The following TMPRSS15 variants were observed in gnomAD, a reference collection of about 807,000 sequenced individuals.
TMPRSS15 encodes transmembrane serine protease 15.
In TMPRSS15, 128 loss-of-function variants were observed where a neutral mutation model predicts 125.3. That is an observed-to-expected ratio of 1.02 (90% CI 0.89 to 1.18). The LOEUF (loss-of-function observed/expected upper bound fraction) is 1.18. Among genes scored for constraint, TMPRSS15 ranks in the 50% most tolerant of loss-of-function variants. The pLI, the probability that TMPRSS15 is intolerant of heterozygous loss-of-function variation, is 0.00. For missense variants in TMPRSS15, 1,283 were observed against 1,212.7 expected (o/e 1.06, Z -0.86); for synonymous variants, 446 against 423.2 (o/e 1.05, Z -0.66).
At chr21:18,405,286 C>T (rs2076142557), upstream of TMPRSS15, among the ~76,000 whole-genome samples, 1 of 152,116 alleles carries the variant, frequency 6.6e-6, no homozygotes, top group Non-Finnish European at 1.5e-5. Flanking sequence ...AAAACTTTCA[C>T]TTTCGATCAC....
chr21:18,351,367 A>G (rs1305103066), intron 10 of TMPRSS15, among the ~76,000 whole-genome samples: 1 of 152,146 alleles, frequency 6.6e-6, no homozygotes, highest in Admixed American at 6.5e-5. Context: ...AGAATACCTG[A>G]TATGGTTTGG....
At chr21:18,380,202 CACACTCATATATCTCTCATATGTA>C (rs1246404910) in intron 4 of TMPRSS15, among the ~76,000 whole-genome samples, 7 of 151,226 alleles carry the variant, frequency 4.6e-5, no homozygotes, top group Non-Finnish European at 8.9e-5. Context: ...CACACACACA[CACACTCATATATCTCTCATATGTA>C]ACACACACAC....
intron 7 of TMPRSS15, among the ~76,000 whole-genome samples, chr21:18,362,490 C>A (rs773418963): frequency 1.3e-5 from 2 of 152,062 alleles, no homozygotes; most frequent in African/African-American, 4.8e-5. Flanking sequence ...AAAGTGCAGA[C>A]GATTTTCCAC....
rs962223733 is a variant in TMPRSS15, at chr21:18,347,320, C to A, written c.1172-3260G>T. Among the ~76,000 whole-genome samples the A allele has an allele frequency of 2.6e-5, 4 of 152,122 alleles. No homozygotes were observed. The East Asian group carries it at 7.7e-4, about 29-fold the overall frequency. ...AGCCAATCTTGGTTCATTGCAACCT[C>A]TGCCTCCGGTGGTTCAAGTGAATCT... On this transcript the variant is annotated intron_variant, in intron 10 of 24. Transcript: ENST00000284885.
chr21:18,413,315 C>CCTTT, intron 1 of TMPRSS15, among the ~76,000 whole-genome samples: 1 of 76,208 alleles, frequency 1.3e-5, no homozygotes, highest in South Asian at 4.8e-4. Context: ...TCTTTCTTTT[C>CCTTT]CTTCCTTCCT....
chr21:18,351,139 T>C (rs1011163545), intron 10 of TMPRSS15, among the ~76,000 whole-genome samples: 1 of 152,118 alleles, frequency 6.6e-6, no homozygotes, highest in Non-Finnish European at 1.5e-5. Context: ...TTATGTTAAA[T>C]CAACCACTTA....
At position 18,358,488 on chromosome 21, in the gene TMPRSS15, C is replaced by T. The variant is rs148436581; in HGVS notation, c.880+1269G>A. ...TGATCATAATTTTAAAAAACTGCAT[C>T]TATCAGCTATAGAAATAGATTATGA... On this transcript the variant is annotated intron_variant, in intron 8 of 24. Coordinates refer to ENST00000284885, the MANE Select transcript of TMPRSS15 (RefSeq NM_002772.3). Among the ~76,000 whole-genome samples, 895 of 151,932 alleles carry T rather than the reference C, an allele frequency of 5.9e-3. 13 individuals are homozygous for T. The highest frequency in any genetic ancestry group is 0.02 in the African/African-American group (837 of 41,480).
At chr21:18,365,333 C>T in intron 6 of TMPRSS15, 85 bp from the exon 7 acceptor site, 1 of 1,029,068 alleles carries the variant, frequency 9.7e-7, no homozygotes, top group Non-Finnish European at 1.5e-6. Context: ...ATATTCATGG[C>T]AAAACCTGTA....
chr21:18,339,511 T>A (rs1002325589), intron 13 of TMPRSS15, among the ~76,000 whole-genome samples: 1 of 152,146 alleles, frequency 6.6e-6, no homozygotes, highest in African/African-American at 2.4e-5. Flanking sequence ...TCCAAACTGA[T>A]TTGCTGATAT....
At chr21:18,382,553 T>C (rs1432033831) in intron 4 of TMPRSS15, among the ~76,000 whole-genome samples, 1 of 152,164 alleles carries the variant, frequency 6.6e-6, no homozygotes, top group Non-Finnish European at 1.5e-5. Flanking sequence ...CTCCTGGATG[T>C]TTTTATGTAT....
chr21:18,352,985 A>G lies in TMPRSS15; in HGVS notation c.1089T>C (p.Asp363=), dbSNP rs764001308. 1.2e-6 allele frequency: 2 copies of G among 1,612,012 alleles called. No individual in the cohort carries two copies. Among genetic ancestry groups the G allele is most frequent in the Admixed American group, 1.7e-5 (1 of 59,890 alleles). Residue 363 remains aspartate, a synonymous_variant, in exon 10 of 25, where the codon GAT becomes GAC. Coordinates refer to ENST00000284885, the MANE Select transcript of TMPRSS15 (RefSeq NM_002772.3). The part of the protein sequence containing the change: ...FCFWVQDLND[D]NEWERIQGST... ...TTCCCTGAATCCTTTCCCATTCATT[A>G]TCATCATTTAGATCCTGGACCCAGA... is the stretch of plus-strand genomic sequence containing the variant.
chr21:18,366,008 T>C (rs1226884938), intron 6 of TMPRSS15, among the ~76,000 whole-genome samples: 1 of 152,134 alleles, frequency 6.6e-6, no homozygotes, highest in Non-Finnish European at 1.5e-5. Context: ...ATGCTGGGAT[T>C]ACAGGCGTGA....
At chr21:18,368,986 A>G (rs1217433063) in intron 6 of TMPRSS15, among the ~76,000 whole-genome samples, 1 of 152,120 alleles carries the variant, frequency 6.6e-6, no homozygotes, top group Non-Finnish European at 1.5e-5. Flanking sequence ...GAAGCAGGAT[A>G]GGTTTTCAGG....
At chr21:18,346,147 T>C (rs1259969717) in intron 10 of TMPRSS15, among the ~76,000 whole-genome samples, 1 of 152,144 alleles carries the variant, frequency 6.6e-6, no homozygotes, top group Non-Finnish European at 1.5e-5. Context: ...ATTCTTTAGT[T>C]AACAAATTAG....
In TMPRSS15 at chr21:18,275,348, G is replaced by A. The variant is rs2074606970; in HGVS notation, c.2765-12C>T. 2 of 1,613,486 alleles carry A rather than the reference G, an allele frequency of 1.2e-6. No individual in the cohort carries two copies. Among genetic ancestry groups the A allele is most frequent in the Admixed American group, 1.7e-5 (1 of 60,010 alleles). ...GTTTGCAGTAGTACCTGCTCAAAAT[G>A]GAGAATGCAGCCAGCCAGTCAGAAG... is the stretch of plus-strand genomic sequence containing the variant. On this transcript the variant is annotated splice_polypyrimidine_tract_variant and intron_variant, in intron 23 of 24. Transcript: ENST00000284885.
At chr21:18,427,377 A>G (rs935627947) in intron 1 of TMPRSS15, among the ~76,000 whole-genome samples, 23 of 152,056 alleles carry the variant, frequency 1.5e-4, no homozygotes, top group South Asian at 1.2e-3. Context: ...TTACTTAACT[A>G]TTACATTTAA....
rs540227799 is a variant in TMPRSS15 at position 18,419,520 on chromosome 21, C to T, written c.11-21191G>A. 1.8e-4 allele frequency among the ~76,000 whole-genome samples: 27 copies of T among 152,214 alleles called. 1 individual carries two copies. The South Asian group carries it at 4.4e-3, about 25-fold the overall frequency. ...GATTACAGATGTGAGCCAGTGTACC[C>T]GGCCGACATTTCCTCTTTTTCTAAA... is the stretch of plus-strand genomic sequence containing the variant. On this transcript the variant is annotated intron_variant, in intron 1 of 7. Coordinates refer to the TMPRSS15 transcript ENST00000422787.
intron 1 of TMPRSS15, chr21:18,477,473 A>G (rs1260014756): frequency 2.6e-5 from 4 of 152,138 alleles, no homozygotes; most frequent in Non-Finnish European, 5.9e-5. Context: ...ATAAGATATC[A>G]TTTCTCCTTT....
chr21:18,354,631 G>T (rs1285559773), intron 8 of TMPRSS15, among the ~76,000 whole-genome samples: 3 of 151,580 alleles, frequency 2.0e-5, no homozygotes, highest in African/African-American at 4.8e-5. Context: ...AATGTGTAAA[G>T]CTCAGATATA....
Sources: gnomAD v4.1 joint callset for allele counts (sites outside exome capture counted in the v4.1 genomes callset) on GRCh38, gnomAD v4.1.1 for gene constraint, MANE v1.5 for transcripts, NCBI Gene and HGNC (gene_info 2026-07-23, HGNC 2026-07-21) for gene names.